Variants in ST7 observed in about 807,000 individuals in gnomAD.
The protein encoded by ST7 is suppression of tumorigenicity 7.
ST7 carries 28 observed loss-of-function variants against 78.7 expected under a neutral mutation model. That is an observed-to-expected ratio of 0.36 (90% CI 0.26 to 0.49). The LOEUF (loss-of-function observed/expected upper bound fraction) is 0.49. ST7 is among the 20% of genes least tolerant of loss of function. The pLI is 0.99. For missense variants in ST7, 418 were observed against 696.0 expected, an observed-to-expected ratio of 0.60 and a Z score of 4.49; for synonymous variants, 247 against 249.6, an observed-to-expected ratio of 0.99 and a Z score of 0.10.
In ST7 at chr7:117,014,937, G is replaced by A. The variant is rs369992639; in HGVS notation, c.151+61246G>A. 3.2e-5 allele frequency: 42 copies of A among 1,312,012 alleles called. No homozygotes were observed. In the African/African-American group the frequency reaches 5.5e-4, roughly 17 times the overall value. The allele number at this position is 1,312,012 out of a possible 1,614,324, so 81.3% of individuals were successfully genotyped here. On this transcript the variant is annotated intron_variant, in intron 1 of 15. Transcript: ENST00000323984. ...GAACGGTTCGTCAGTCCAGGGAGCCGTTTCATTTTCTGGCTGATAGAGTTG... is the reference window on the plus strand; with the variant it reads ...GAACGGTTCGTCAGTCCAGGGAGCCATTTCATTTTCTGGCTGATAGAGTTG...
rs191463393 is a variant in ST7, at chr7:116,965,061, C to T, written c.151+11370C>T. Among the ~76,000 whole-genome samples the T allele has an allele frequency of 1.4e-3, 220 of 152,188 alleles. 5 individuals carry two copies. Among genetic ancestry groups the T allele is most frequent in the Non-Finnish European group, 4.9e-4 (33 of 68,004 alleles). On this transcript the variant is annotated intron_variant, in intron 1 of 15. Coordinates refer to ENST00000323984, the MANE Select transcript of ST7 (RefSeq NM_001369598.1). ...GCTATAGAAATATTCCATGGACGGC[C>T]GGGCGCGGTGGCTCACGCCTGTAAT...
At chr7:117,083,842 G>A (rs75026136) in intron 1 of ST7, among the ~76,000 whole-genome samples, 10,433 of 150,554 alleles carry the variant, frequency 0.069, 455 homozygotes, top group Non-Finnish European at 0.1. Flanking sequence ...TGAGCATATG[G>A]AGGCAGCACT....
At chr7:117,214,756 G>A (rs1792555991) in intron 13 of ST7, among the ~76,000 whole-genome samples, 1 of 151,696 alleles carries the variant, frequency 6.6e-6, no homozygotes, top group Non-Finnish European at 1.5e-5. Flanking sequence ...GTCCACCTGA[G>A]TTTTTAAAAA....
At chr7:117,022,347 G>C (rs888429450) in intron 1 of ST7, among the ~76,000 whole-genome samples, 7 of 152,156 alleles carry the variant, frequency 4.6e-5, no homozygotes, top group Non-Finnish European at 1.0e-4. Context: ...AGTGGATATC[G>C]TGTTGAAAAT....
intron 1 of ST7, among the ~76,000 whole-genome samples, chr7:116,955,637 G>A (rs1792430260): frequency 6.6e-6 from 1 of 152,088 alleles, no homozygotes; most frequent in Non-Finnish European, 1.5e-5. Context: ...TTTATTTCAT[G>A]ATATACATTT....
At chr7:117,069,628 T>C (rs1268396556) in intron 1 of ST7, among the ~76,000 whole-genome samples, 1 of 152,228 alleles carries the variant, frequency 6.6e-6, no homozygotes, top group Non-Finnish European at 1.5e-5. Flanking sequence ...TCCCCTTGAC[T>C]TGTTACTTCT....
chr7:117,052,313 CTATT>C (rs2116375499), intron 1 of ST7, among the ~76,000 whole-genome samples: 1 of 152,224 alleles, frequency 6.6e-6, no homozygotes, highest in African/African-American at 2.4e-5. Context: ...CGCCTGAACT[CTATT>C]TATGGGGAAC....
intron 12 of ST7, among the ~76,000 whole-genome samples, chr7:117,205,705 G>A (rs1342005929): frequency 3.3e-5 from 5 of 152,170 alleles, no homozygotes; most frequent in Non-Finnish European, 7.3e-5. Context: ...ACAGCTCTCT[G>A]CTTCTCTTCA....
At chr7:117,202,841 A>G (rs187696242) in intron 12 of ST7, among the ~76,000 whole-genome samples, 31 of 152,158 alleles carry the variant, frequency 2.0e-4, no homozygotes, top group Middle Eastern at 3.4e-3. Context: ...TTTGTTTTTC[A>G]TCAGCTTCAC....
intron 1 of ST7, among the ~76,000 whole-genome samples, chr7:116,983,046 A>T (rs1794028144): frequency 6.6e-6 from 1 of 151,956 alleles, no homozygotes; most frequent in Non-Finnish European, 1.5e-5. Flanking sequence ...TTACAGGCAT[A>T]TGCCACCACG....
chr7:117,169,966 T>G (rs573836764), intron 9 of ST7, among the ~76,000 whole-genome samples: 9 of 152,248 alleles, frequency 5.9e-5, no homozygotes, highest in African/African-American at 2.2e-4. Flanking sequence ...CTCATAAACC[T>G]TCCTCTTTAC....
chr7:117,221,864 C>G (rs1230718512), intron 14 of ST7, 59 bp from the exon 15 acceptor site: 88 of 1,511,678 alleles, frequency 5.8e-5, no homozygotes, highest in Non-Finnish European at 6.9e-5. Flanking sequence ...CCATAAAGAC[C>G]TCCCCTGAGA....
Position 117,072,874 on chromosome 7 carries a change from G to C in ST7, c.152-26888G>C, listed in dbSNP as rs998709082. 2.0e-5 allele frequency: 3 copies of C among 152,226 alleles called. No individual in the cohort carries two copies. In the South Asian group the frequency reaches 6.2e-4, roughly 32 times the overall value. The allele number at this position is 152,226 out of a possible 1,614,324, so 9.4% of individuals were successfully genotyped here. ...GTCCAGCTTCAGGCGTAGATGAAGGGAGTTAAGTGTGCCAGATTAAGTCCA... is the reference window on the plus strand; with the variant it reads ...GTCCAGCTTCAGGCGTAGATGAAGGCAGTTAAGTGTGCCAGATTAAGTCCA... On this transcript the variant is annotated intron_variant, in intron 1 of 15. Coordinates refer to ENST00000323984, the MANE Select transcript of ST7 (RefSeq NM_001369598.1).
intron 1 of ST7, among the ~76,000 whole-genome samples, chr7:117,083,577 A>G (rs868432049): frequency 6.6e-6 from 1 of 152,214 alleles, no homozygotes; most frequent in African/African-American, 2.4e-5. Context: ...CTGCTATTTT[A>G]ATAAGAACAT....
At chr7:117,221,281 A>G (rs1233472431) in intron 14 of ST7, among the ~76,000 whole-genome samples, 1 of 152,206 alleles carries the variant, frequency 6.6e-6, no homozygotes, top group African/African-American at 2.4e-5. Flanking sequence ...TGTATTTGTC[A>G]TCAAGAGTCT....
At chr7:117,042,748 A>G (rs921557576) in intron 1 of ST7, among the ~76,000 whole-genome samples, 1 of 152,122 alleles carries the variant, frequency 6.6e-6, no homozygotes, top group Non-Finnish European at 1.5e-5. Flanking sequence ...AAAAAAATAT[A>G]TAGACCTCCC....
At chr7:117,212,026 G>T (rs1161019977) in intron 13 of ST7, among the ~76,000 whole-genome samples, 1 of 152,204 alleles carries the variant, frequency 6.6e-6, no homozygotes, top group Non-Finnish European at 1.5e-5. Flanking sequence ...AGAAGTGTTT[G>T]TGAAAATCAG....
chr7:117,138,403 T>TA (rs779407595), intron 8 of ST7, 32 bp from the exon 9 acceptor site: 3 of 1,379,822 alleles, frequency 2.2e-6, no homozygotes, highest in African/African-American at 1.5e-5. Context: ...TTTTTTTTTT[T>TA]AAATGTTGGT....
At chr7:117,119,019 G>T (rs1229721120) in intron 2 of ST7, among the ~76,000 whole-genome samples, 1 of 152,186 alleles carries the variant, frequency 6.6e-6, no homozygotes, top group Admixed American at 6.5e-5. Flanking sequence ...CTATCCATGT[G>T]GGAAACGGGA....
Sources: gnomAD v4.1 joint callset for allele counts (sites outside exome capture counted in the v4.1 genomes callset) on GRCh38, gnomAD v4.1.1 for gene constraint, MANE v1.5 for transcripts, NCBI Gene and HGNC (gene_info 2026-07-23, HGNC 2026-07-21) for gene names.